GADL1: variants seen among roughly 807,000 people sequenced by gnomAD.
GADL1 encodes acidic amino acid decarboxylase GADL1.
GADL1 carries 71 observed loss-of-function variants against 69.5 expected under a neutral mutation model. The ratio of observed to expected loss-of-function variants is 1.02; its 90% CI spans 0.84 to 1.25. The LOEUF is 1.25. Ranked by LOEUF, GADL1 falls within the 50% of genes most tolerant of loss-of-function variation. The probability of loss-of-function intolerance (pLI) is 0.00; values close to 1 mark genes in which losing one functional copy is unlikely to be tolerated. For missense variants in GADL1, 737 were observed against 631.8 expected (o/e 1.17, Z -1.79); for synonymous variants, 254 against 214.4 (o/e 1.18, Z -1.62).
intron 14 of GADL1, among the ~76,000 whole-genome samples, chr3:30,751,562 C>A (rs7640168): frequency 0.18 from 27,222 of 150,770 alleles, 3,595 homozygotes; most frequent in African/African-American, 0.35. Flanking sequence ...ATCTAGTAGA[C>A]TAGAAAAAAG....
At chr3:30,839,233 C>T in intron 8 of GADL1, 120 bp from the exon 9 acceptor site, 2 of 580,332 alleles carry the variant, frequency 3.4e-6, no homozygotes, top group Non-Finnish European at 5.9e-6. Context: ...TGGAGGTAGT[C>T]ATTAATTCAA....
At position 30,728,427 on chromosome 3, in the gene GADL1, G is replaced by C. The variant is rs1484998504; in HGVS notation, c.1393-12C>G. ...ATGGCTGGGGCCACCTGTGTGGGGA[G>C]AAAAGGGGAGAGGGGTGAAAGACCA... On this transcript the variant is annotated splice_polypyrimidine_tract_variant and intron_variant, in intron 14 of 14. Coordinates refer to ENST00000282538, the MANE Select transcript of GADL1 (RefSeq NM_207359.3). 6.2e-7 allele frequency: 1 copy of C among 1,610,902 alleles called. No homozygotes were observed. The highest frequency in any genetic ancestry group is 8.5e-7 in the Non-Finnish European group (1 of 1,177,736).
chr3:30,810,158 T>A (rs1486640976), intron 11 of GADL1, among the ~76,000 whole-genome samples: 1 of 152,194 alleles, frequency 6.6e-6, no homozygotes, highest in Non-Finnish European at 1.5e-5. Flanking sequence ...TCAAAAACTG[T>A]GTGCTATCAG....
intron 13 of GADL1, chr3:30,779,191 A>G: frequency 6.6e-6 from 1 of 152,216 alleles, no homozygotes; most frequent in East Asian, 1.9e-4. Context: ...CTCAATGACT[A>G]GGAGATCTGG....
intron 1 of GADL1, among the ~76,000 whole-genome samples, chr3:30,885,205 T>A (rs1328739996): frequency 6.6e-6 from 1 of 152,128 alleles, no homozygotes; most frequent in Non-Finnish European, 1.5e-5. Flanking sequence ...TTTCCAGAAT[T>A]GCACTGTTCC....
rs745910253 is a variant in GADL1, at chr3:30,786,398, A to G, written c.1259T>C (p.Val420Ala). 2.7e-6 allele frequency: 4 copies of G among 1,463,104 alleles called. No individual in the cohort carries two copies. The Admixed American group carries it at 5.0e-5, about 18-fold the overall frequency. The allele number at this position is 1,463,104 out of a possible 1,614,324, so 90.6% of individuals were successfully genotyped here. Reference sequence around the variant, plus strand: ...TCCTTCTCTTTTCTTGATTTCATCTACTAGGTACCTAAAATTAAAAGTCAC... The same window carrying G: ...TCCTTCTCTTTTCTTGATTTCATCTGCTAGGTACCTAAAATTAAAAGTCAC... ...NRALALSRYL[V>A]DEIKKREGFK... is the part of the protein sequence containing the mutation. The change falls in exon 13 of 15, where the codon GTA becomes GCA. Residue 420 changes from valine (V) to alanine (A), a missense_variant. Coordinates refer to ENST00000282538, the MANE Select transcript of GADL1 (RefSeq NM_207359.3).
At position 30,727,297 on chromosome 3, in the gene GADL1, C is replaced by A. The variant is rs911214034; in HGVS notation, c.*945G>T. ...CAAGAAAAAACTAATATGGATATTA[C>A]ATGCATTTCTATTTTGAAGACCAAC... On this transcript the variant is annotated 3_prime_UTR_variant, in exon 15 of 15. Transcript: ENST00000282538. 6.6e-6 allele frequency: 1 copy of A among 150,578 alleles called. No individual in the cohort carries two copies. Among genetic ancestry groups the A allele is most frequent in the African/African-American group, 2.4e-5 (1 of 41,114 alleles). 9.3% of individuals were successfully genotyped at this position (150,578 alleles called of 1,614,324 possible).
At chr3:30,886,654 A>G in intron 1 of GADL1, among the ~76,000 whole-genome samples, 1 of 152,158 alleles carries the variant, frequency 6.6e-6, no homozygotes, top group African/African-American at 2.4e-5. Flanking sequence ...TTATGCTAAT[A>G]ATTCATGTTG....
intron 11 of GADL1, among the ~76,000 whole-genome samples, chr3:30,814,765 A>G (rs1406470577): frequency 6.6e-6 from 1 of 152,134 alleles, no homozygotes. Context: ...AGAGTTCAAG[A>G]TCAGCCTGGC....
intron 11 of GADL1, among the ~76,000 whole-genome samples, chr3:30,816,141 G>A (rs1253443686): frequency 6.6e-6 from 1 of 152,090 alleles, no homozygotes; most frequent in African/African-American, 2.4e-5. Context: ...ATAGATGAGA[G>A]GCTAATGGCT....
At chr3:30,832,268 C>T (rs1353275) in intron 11 of GADL1, among the ~76,000 whole-genome samples, 52,126 of 151,030 alleles carry the variant, frequency 0.35, 12,053 homozygotes, top group East Asian at 0.64. Context: ...TAGAATTCCC[C>T]TAACCTCTTA....
chr3:30,814,337 T>C (rs1697418323), intron 11 of GADL1, among the ~76,000 whole-genome samples: 1 of 152,092 alleles, frequency 6.6e-6, no homozygotes, highest in Non-Finnish European at 1.5e-5. Context: ...TAAAGACTGG[T>C]AAAGCAAACC....
chr3:30,878,958 A>G (rs1045923287), intron 1 of GADL1, among the ~76,000 whole-genome samples: 4 of 151,942 alleles, frequency 2.6e-5, no homozygotes, highest in Non-Finnish European at 5.9e-5. Flanking sequence ...AACATGTTTG[A>G]TATCTCAGAT....
chr3:30,752,565 A>C (rs1695851287), intron 14 of GADL1, among the ~76,000 whole-genome samples: 1 of 152,184 alleles, frequency 6.6e-6, no homozygotes, highest in South Asian at 2.1e-4. Flanking sequence ...TCATAAACCC[A>C]GTCTCGAGGA....
chr3:30,854,705 G>A lies in GADL1; in HGVS notation c.422C>T (p.Pro141Leu), dbSNP rs200741113. ...TCTATAGCATGGCACTTACACACTT[G>A]GATTCAATGCTTCGGTCATAAATCG... ...VARFMTEALN[P>L]SVYTYEVSPV... Residue 141 changes from proline (P) to leucine (L), a missense_variant, in exon 4 of 15, where the codon CCA (proline) becomes CTA (leucine). By Grantham distance (98) the Pro-to-Leu change is moderately conservative. Coordinates refer to ENST00000282538, the MANE Select transcript of GADL1 (RefSeq NM_207359.3). 5 of 1,541,238 alleles carry A rather than the reference G, an allele frequency of 3.2e-6. No individual in the cohort carries two copies. In the South Asian group the frequency reaches 3.6e-5, roughly 11 times the overall value.
At chr3:30,802,061 A>G (rs1160031862) in intron 11 of GADL1, among the ~76,000 whole-genome samples, 1 of 152,214 alleles carries the variant, frequency 6.6e-6, no homozygotes, top group African/African-American at 2.4e-5. Context: ...GTTTACTGAC[A>G]CTAAACATAG....
chr3:30,844,578 A>G, intron 6 of GADL1, 112 bp from the exon 7 acceptor site: 1 of 740,164 alleles, frequency 1.4e-6, no homozygotes, highest in Admixed American at 2.2e-5. Flanking sequence ...TCTTTGGGAC[A>G]TTATTGCATA....
At chr3:30,885,637 A>G (rs1698693314) in intron 1 of GADL1, among the ~76,000 whole-genome samples, 1 of 152,148 alleles carries the variant, frequency 6.6e-6, no homozygotes, top group Admixed American at 6.5e-5. Context: ...TTCCAGTTTC[A>G]TATGTATAAA....
At chr3:30,783,796 C>G (rs1696727483) in intron 13 of GADL1, among the ~76,000 whole-genome samples, 1 of 152,188 alleles carries the variant, frequency 6.6e-6, no homozygotes, top group African/African-American at 2.4e-5. Context: ...TAAAATCCCA[C>G]CTTAGCTTTC....
Sources: gnomAD v4.1 joint callset for allele counts (sites outside exome capture counted in the v4.1 genomes callset) on GRCh38, gnomAD v4.1.1 for gene constraint, MANE v1.5 for transcripts, NCBI Gene and HGNC (gene_info 2026-07-23, HGNC 2026-07-21) for gene names.